The following TGM6 variants were observed in gnomAD, a reference collection of about 807,000 sequenced individuals.
The protein encoded by TGM6 is transglutaminase 6.
TGM6 carries 74 observed loss-of-function variants against 77.5 expected under a neutral mutation model. That is an observed-to-expected ratio of 0.96 (90% CI 0.79 to 1.16). The LOEUF is 1.16. Among genes scored for constraint, TGM6 ranks in the 50% most tolerant of loss-of-function variants. The pLI, the probability that TGM6 is intolerant of heterozygous loss-of-function variation, is 0.00. For synonymous variants in TGM6, 383 were observed against 378.9 expected, an observed-to-expected ratio of 1.01 and a Z score of -0.12; for missense variants, 968 against 940.2, an observed-to-expected ratio of 1.03 and a Z score of -0.39.
intron 10 of TGM6, 148 bp downstream of exon 10, chr20:2,417,721 G>T: frequency 1.1e-6 from 1 of 934,060 alleles, no homozygotes; most frequent in South Asian, 1.5e-5. Flanking sequence ...CTTGCCTCTT[G>T]TCCCGACTTT....
Position 2,424,911 on chromosome 20 carries a change from G to A in TGM6, c.1679-5535G>A, listed in dbSNP as rs151107300. On this transcript the variant is annotated intron_variant, in intron 10 of 12. Coordinates refer to ENST00000202625, the MANE Select transcript of TGM6 (RefSeq NM_198994.3). ...CGGGAATAGGAAGGCCCAAGGACAGGGAGAGAGATAGGGAAATGGCCAGTC... is the reference window on the plus strand; with the variant it reads ...CGGGAATAGGAAGGCCCAAGGACAGAGAGAGAGATAGGGAAATGGCCAGTC... 2.7e-3 allele frequency among the ~76,000 whole-genome samples: 408 copies of A among 152,256 alleles called. 1 individual carries two copies. The highest frequency in any genetic ancestry group is 9.2e-3 in the African/African-American group (383 of 41,546).
chr20:2,392,228 A>T (rs918626594), intron 1 of TGM6, among the ~76,000 whole-genome samples: 3 of 152,194 alleles, frequency 2.0e-5, no homozygotes, highest in African/African-American at 7.2e-5. Flanking sequence ...CACAATGCCC[A>T]GCACGTGAAT....
intron 1 of TGM6, among the ~76,000 whole-genome samples, chr20:2,383,578 TGAC>T (rs1203836852): frequency 6.6e-6 from 1 of 152,020 alleles, no homozygotes; most frequent in African/African-American, 2.4e-5. Context: ...GCAGGGAAAA[TGAC>T]ATGCTGACAC....
At chr20:2,418,555 G>A (rs2084834004) in intron 10 of TGM6, among the ~76,000 whole-genome samples, 1 of 152,162 alleles carries the variant, frequency 6.6e-6, no homozygotes, top group Admixed American at 6.5e-5. Context: ...CAAAGCCAGG[G>A]TTCAAAGCCA....
chr20:2,399,620 C>A lies in TGM6; in HGVS notation c.732C>A (p.Gly244=). 2 of 1,613,078 alleles carry A rather than the reference C, an allele frequency of 1.2e-6. No individual in the cohort carries two copies. The highest frequency in any genetic ancestry group is 1.7e-6 in the Non-Finnish European group (2 of 1,179,934). Residue 244 remains glycine (G), a synonymous_variant, in exon 6 of 13, where the codon GGC becomes GGA. Transcript: ENST00000202625. ...GACAGTGGCAGGGCAAGTACGGCGG[C>A]GGCACCAGCCCGCTGCACTGGCGCG... ...VQGQWQGKYG[G]GTSPLHWRGS...
At chr20:2,396,010 G>A (rs536798772) in intron 3 of TGM6, among the ~76,000 whole-genome samples, 42 of 151,990 alleles carry the variant, frequency 2.8e-4, no homozygotes, top group East Asian at 2.5e-3. Flanking sequence ...GAGAAATCCC[G>A]TCTCTACTAA....
chr20:2,423,135 G>A (rs991239331), intron 10 of TGM6, among the ~76,000 whole-genome samples: 5 of 150,794 alleles, frequency 3.3e-5, no homozygotes, highest in African/African-American at 9.8e-5. Context: ...AAACACCATC[G>A]CAACACTACT....
Position 2,403,705 on chromosome 20 carries a change from G to A in TGM6, c.1218G>A (p.Glu406=), listed in dbSNP as rs2084729307. The A allele has an allele frequency of 6.2e-7, 1 of 1,614,234 alleles. No individual in the cohort carries two copies. Among genetic ancestry groups the A allele is most frequent in the Non-Finnish European group, 8.5e-7 (1 of 1,180,050 alleles). ...ACTACATCACCTGGCTGTGGCACGA[G>A]GATGAGAGCCGGGAGCGTGTATACT... is the stretch of plus-strand genomic sequence containing the variant. ...NADYITWLWH[E]DESRERVYSN... The change falls in exon 9 of 13, where the codon GAG becomes GAA. Residue 406 remains glutamate, a synonymous_variant. Transcript: ENST00000202625.
chr20:2,394,318 C>T (rs924573436), intron 1 of TGM6, 134 bp from the exon 2 acceptor site: 1 of 1,064,410 alleles, frequency 9.4e-7, no homozygotes, highest in African/African-American at 1.6e-5. Context: ...AACAAACAAA[C>T]AGAGAATCGC....
chr20:2,392,822 G>C (rs1369764987), intron 1 of TGM6, among the ~76,000 whole-genome samples: 1 of 152,212 alleles, frequency 6.6e-6, no homozygotes, highest in Non-Finnish European at 1.5e-5. Flanking sequence ...AGGATCACTT[G>C]AGCCTGGGAG....
chr20:2,424,497 G>A (rs1482401763), intron 10 of TGM6, among the ~76,000 whole-genome samples: 2 of 152,210 alleles, frequency 1.3e-5, no homozygotes, highest in Non-Finnish European at 2.9e-5. Context: ...TTATAGAATT[G>A]AAGAGAATCA....
rs182553613 is a variant in TGM6 at position 2,412,571 on chromosome 20, C to G, written c.1337-4661C>G. 1.2e-4 allele frequency among the ~76,000 whole-genome samples: 18 copies of G among 152,064 alleles called. No homozygotes were observed. The East Asian group carries it at 2.7e-3, about 23-fold the overall frequency. ...GAAGACAGGGAGGGAGAAATGGAAA[C>G]AGAGAAATTTCCAAATTGGAAAGAA... On this transcript the variant is annotated intron_variant, in intron 9 of 12. Coordinates refer to ENST00000202625, the MANE Select transcript of TGM6 (RefSeq NM_198994.3).
At chr20:2,393,774 AC>A (rs1333318075) in intron 1 of TGM6, among the ~76,000 whole-genome samples, 2 of 151,982 alleles carry the variant, frequency 1.3e-5, no homozygotes, top group African/African-American at 4.8e-5. Flanking sequence ...CAATCCGCCC[AC>A]CTCGGCCTCC....
At position 2,403,840 on chromosome 20, in the gene TGM6, G is replaced by A. The variant is rs749713521; in HGVS notation, c.1336+17G>A. ...ATCCGGAAGGTAAGGGCCACATGGCGGCCTTTATTACCTTCCCCCGGATGG... is the reference window on the plus strand; with the variant it reads ...ATCCGGAAGGTAAGGGCCACATGGCAGCCTTTATTACCTTCCCCCGGATGG... On this transcript the variant is annotated intron_variant, in intron 9 of 12. Coordinates refer to ENST00000202625, the MANE Select transcript of TGM6 (RefSeq NM_198994.3). The A allele has an allele frequency of 8.7e-6, 14 of 1,613,798 alleles. No homozygotes were observed. The highest frequency in any genetic ancestry group is 1.6e-4 in the Middle Eastern group (1 of 6,084).
intron 9 of TGM6, among the ~76,000 whole-genome samples, chr20:2,410,489 G>T (rs184635518): frequency 3.3e-5 from 5 of 152,240 alleles, no homozygotes; most frequent in Admixed American, 1.3e-4. Flanking sequence ...TCTGAGTTCT[G>T]TGAACCCCTC....
At chr20:2,430,641 C>T in intron 11 of TGM6, 41 bp downstream of exon 11, 3 of 1,612,958 alleles carry the variant, frequency 1.9e-6, no homozygotes, top group Non-Finnish European at 2.5e-6. Context: ...CCTAGTGGCA[C>T]CCACTCCCCA....
chr20:2,410,624 T>C (rs1478462941), intron 9 of TGM6, among the ~76,000 whole-genome samples: 3 of 152,124 alleles, frequency 2.0e-5, no homozygotes, highest in Admixed American at 6.5e-5. Context: ...AGTCTCAGTC[T>C]TGTGGGACTG....
chr20:2,399,037 G>T (rs998529782), intron 5 of TGM6, among the ~76,000 whole-genome samples: 1 of 151,690 alleles, frequency 6.6e-6, no homozygotes, highest in African/African-American at 2.4e-5. Flanking sequence ...TGAACTCAAG[G>T]CTCCCAAGTC....
chr20:2,395,924 T>C (rs2084662280), intron 3 of TGM6, among the ~76,000 whole-genome samples: 1 of 152,162 alleles, frequency 6.6e-6, no homozygotes, highest in South Asian at 2.1e-4. Context: ...CTCACGCCTG[T>C]AACCCCAGCA....
Sources: allele counts gnomAD v4.1 joint callset (sites outside exome capture counted in the v4.1 genomes callset), GRCh38; gene constraint gnomAD v4.1.1; transcripts MANE v1.5; gene names NCBI Gene and HGNC (gene_info 2026-07-23, HGNC 2026-07-21).